Variants in NRG3 observed in about 807,000 individuals in gnomAD.
The protein encoded by NRG3 is pro-neuregulin-3, membrane-bound isoform.
A neutral mutation model predicts 66.9 loss-of-function variants in NRG3; 31 were observed. The ratio of observed to expected loss-of-function variants is 0.46; its 90% CI spans 0.35 to 0.63. NRG3 has a LOEUF of 0.63. NRG3 is among the 20% of genes least tolerant of loss of function. The probability of loss-of-function intolerance (pLI) is 0.00; values close to 1 mark genes in which losing one functional copy is unlikely to be tolerated. For synonymous variants in NRG3, 393 were observed against 359.4 expected (o/e 1.09, Z -1.06); for missense variants, 910 against 878.9 (o/e 1.04, Z -0.45).
rs374254845 is a variant in NRG3 at position 82,212,121 on chromosome 10, C to A, written c.824-146618C>A. Reference sequence around the variant, plus strand: ...TTCTTTTCCTCATATGTAAAATGATCATTTTATGTTAGTTTGAACCATGGG... The same window carrying A: ...TTCTTTTCCTCATATGTAAAATGATAATTTTATGTTAGTTTGAACCATGGG... On this transcript the variant is annotated intron_variant, in intron 1 of 8. Coordinates refer to ENST00000372141, the MANE Select transcript of NRG3 (RefSeq NM_001010848.4). 5.9e-5 allele frequency among the ~76,000 whole-genome samples: 9 copies of A among 152,250 alleles called. 1 individual carries two copies. The highest frequency in any genetic ancestry group is 2.2e-4 in the African/African-American group (9 of 41,554).
At chr10:82,572,873 C>T (rs942330371) in intron 2 of NRG3, among the ~76,000 whole-genome samples, 7 of 151,738 alleles carry the variant, frequency 4.6e-5, no homozygotes, top group Non-Finnish European at 7.4e-5. Context: ...ATGCTGTTAT[C>T]TCCACTTCAG....
intron 1 of NRG3, among the ~76,000 whole-genome samples, chr10:82,331,837 G>A (rs867191848): frequency 2.0e-5 from 3 of 152,132 alleles, no homozygotes; most frequent in Non-Finnish European, 4.4e-5. Flanking sequence ...TTTCTGTTCA[G>A]CAGTATTAGA....
intron 3 of NRG3, among the ~76,000 whole-genome samples, chr10:82,861,117 T>C (rs1163438779): frequency 6.6e-6 from 1 of 152,072 alleles, no homozygotes; most frequent in Non-Finnish European, 1.5e-5. Flanking sequence ...AACATTTTAA[T>C]AAAACGATGG....
intron 2 of NRG3, among the ~76,000 whole-genome samples, chr10:82,412,323 G>A (rs2088156873): frequency 6.6e-6 from 1 of 152,142 alleles, no homozygotes; most frequent in Admixed American, 6.5e-5. Flanking sequence ...GTGCAATAAA[G>A]CAAGTGACTA....
chr10:82,772,726 G>C (rs79200191), intron 3 of NRG3, among the ~76,000 whole-genome samples: 1 of 23,320 alleles, frequency 4.3e-5, no homozygotes, highest in African/African-American at 2.0e-4. Context: ...TTTTTTTTTT[G>C]AGATGGTCTC....
intron 1 of NRG3, among the ~76,000 whole-genome samples, chr10:82,268,420 G>C (rs2078419226): frequency 6.6e-6 from 1 of 151,974 alleles, no homozygotes; most frequent in South Asian, 2.1e-4. Flanking sequence ...TTCTTGCCCT[G>C]ATAGAATCTA....
intron 6 of NRG3, among the ~76,000 whole-genome samples, chr10:82,961,419 A>G (rs1387554074): frequency 2.6e-5 from 4 of 152,204 alleles, no homozygotes; most frequent in South Asian, 2.1e-4. Flanking sequence ...ATTTAGTTCT[A>G]ACAATTAATT....
intron 2 of NRG3, among the ~76,000 whole-genome samples, chr10:82,653,673 G>A (rs1254319105): frequency 6.6e-6 from 1 of 151,866 alleles, no homozygotes; most frequent in African/African-American, 2.4e-5. Context: ...AAAGGTGGTG[G>A]GGGTGGATCA....
intron 1 of NRG3, among the ~76,000 whole-genome samples, chr10:82,155,814 G>A (rs1013022244): frequency 6.6e-6 from 1 of 151,628 alleles, no homozygotes; most frequent in Admixed American, 6.6e-5. Flanking sequence ...TATATTTCAT[G>A]TGATTATAAA....
intron 3 of NRG3, among the ~76,000 whole-genome samples, chr10:82,783,545 C>T (rs1241441844): frequency 2.0e-5 from 3 of 152,186 alleles, no homozygotes; most frequent in East Asian, 3.9e-4. Context: ...AAATCACAAG[C>T]ATTCTTATAC....
chr10:81,980,562 A>G (rs982520691), intron 1 of NRG3, among the ~76,000 whole-genome samples: 32 of 152,240 alleles, frequency 2.1e-4, no homozygotes, highest in African/African-American at 7.2e-4. Flanking sequence ...GGGGCAAGGC[A>G]ATAATTTTCC....
At chr10:81,971,761 T>C (rs2059941938) in intron 1 of NRG3, among the ~76,000 whole-genome samples, 1 of 152,158 alleles carries the variant, frequency 6.6e-6, no homozygotes, top group Non-Finnish European at 1.5e-5. Flanking sequence ...AGCTGAAAAC[T>C]GCAGGGAGAC....
At chr10:82,509,393 AC>A (rs1407310269) in intron 2 of NRG3, among the ~76,000 whole-genome samples, 1 of 152,180 alleles carries the variant, frequency 6.6e-6, no homozygotes, top group Non-Finnish European at 1.5e-5. Flanking sequence ...ATCTAGGTCT[AC>A]ATTTTCTGAT....
At chr10:82,570,225 G>A (rs2045645939) in intron 2 of NRG3, among the ~76,000 whole-genome samples, 2 of 151,540 alleles carry the variant, frequency 1.3e-5, no homozygotes, top group South Asian at 2.1e-4. Context: ...AGTTACCACT[G>A]TTTGGGAATA....
At chr10:82,342,346 C>A (rs1293053527) in intron 1 of NRG3, among the ~76,000 whole-genome samples, 1 of 152,034 alleles carries the variant, frequency 6.6e-6, no homozygotes, top group Non-Finnish European at 1.5e-5. Flanking sequence ...AATCTCCATA[C>A]TGTTTTCCAT....
intron 2 of NRG3, among the ~76,000 whole-genome samples, chr10:82,621,320 A>G (rs908732975): frequency 1.3e-5 from 2 of 152,206 alleles, no homozygotes; most frequent in Admixed American, 1.3e-4. Context: ...AACAAAACCC[A>G]GTATGGGGGT....
chr10:82,387,468 G>A (rs1044890198), intron 2 of NRG3, among the ~76,000 whole-genome samples: 1 of 152,286 alleles, frequency 6.6e-6, no homozygotes, highest in African/African-American at 2.4e-5. Flanking sequence ...AGCTGTGGGC[G>A]TTATAACATT....
At chr10:82,693,918 C>T (rs1411490182) in intron 2 of NRG3, among the ~76,000 whole-genome samples, 2 of 152,210 alleles carry the variant, frequency 1.3e-5, no homozygotes. Context: ...TTGGCATGGC[C>T]AGCTTTTTAT....
intron 4 of NRG3, among the ~76,000 whole-genome samples, chr10:82,929,273 C>G (rs1314581027): frequency 6.6e-6 from 1 of 152,150 alleles, no homozygotes; most frequent in Non-Finnish European, 1.5e-5. Context: ...GCTTTGACAA[C>G]TGTCTTAACT....
Sources: gnomAD v4.1 joint callset for allele counts (sites outside exome capture counted in the v4.1 genomes callset) on GRCh38, gnomAD v4.1.1 for gene constraint, MANE v1.5 for transcripts, NCBI Gene and HGNC (gene_info 2026-07-23, HGNC 2026-07-21) for gene names.